Variants in CA10 observed in about 807,000 individuals in gnomAD.
CA10 encodes carbonic anhydrase 10 (inactive).
CA10 carries 14 observed loss-of-function variants against 44.2 expected under a neutral mutation model. That is an observed-to-expected ratio of 0.32 (90% CI 0.21 to 0.50). The LOEUF (loss-of-function observed/expected upper bound fraction) is 0.50. Among genes scored for constraint, CA10 ranks in the 20% least tolerant of loss-of-function variants. CA10 has a pLI of 0.99. For missense variants in CA10, 350 were observed against 409.7 expected (o/e 0.85, Z 1.26); for synonymous variants, 159 against 141.6 (o/e 1.12, Z -0.87).
At chr17:51,835,153 A>G (rs1298694621) in intron 3 of CA10, among the ~76,000 whole-genome samples, 1 of 152,184 alleles carries the variant, frequency 6.6e-6, no homozygotes, top group Non-Finnish European at 1.5e-5. Context: ...TCAGGGAGGT[A>G]TTTATTCCTA....
At chr17:51,901,057 T>C (rs1243763457) in intron 3 of CA10, among the ~76,000 whole-genome samples, 2 of 152,190 alleles carry the variant, frequency 1.3e-5, no homozygotes, top group Non-Finnish European at 2.9e-5. Context: ...GGAGAACCAG[T>C]GCAGTTGTTT....
Position 51,653,652 on chromosome 17 carries a change from T to C in CA10, c.550A>G (p.Ile184Val), listed in dbSNP as rs773770613. ...KSPNGLVVVS[I>V]FIKVSDSSNP... The stretch of plus-strand genomic sequence containing the variant: ...TGCAAGAGACTTACTTTTATAAATA[T>C]AGAAACTACCACCAATCCATTTGGA... The change falls in exon 5 of 9, where the codon ATA becomes GTA. Residue 184 changes from isoleucine to valine, a missense_variant. Transcript: ENST00000451037. 2.5e-6 allele frequency: 4 copies of C among 1,569,218 alleles called. No individual in the cohort carries two copies. Among genetic ancestry groups the C allele is most frequent in the Non-Finnish European group, 3.5e-6 (4 of 1,139,092 alleles).
chr17:51,683,485 C>T (rs1357936944), intron 4 of CA10, among the ~76,000 whole-genome samples: 1 of 152,138 alleles, frequency 6.6e-6, no homozygotes, highest in African/African-American at 2.4e-5. Flanking sequence ...GACGGGAAAA[C>T]GTTTTGCAAA....
rs529651110 is a variant in CA10, at chr17:51,945,480, G to A, written c.137-14348C>T. Among the ~76,000 whole-genome samples, 4 of 152,216 alleles carry A rather than the reference G, an allele frequency of 2.6e-5. No individual in the cohort carries two copies. In the South Asian group the frequency reaches 6.2e-4, roughly 24 times the overall value. ...TCAACACGGACTCGTTCTGGGGTAG[G>A]GACAGAAAACTCCAGGGGGCTGAGG... On this transcript the variant is annotated intron_variant, in intron 2 of 8. Coordinates refer to ENST00000451037, the MANE Select transcript of CA10 (RefSeq NM_020178.5).
At chr17:52,014,204 C>T (rs1049168125) in intron 2 of CA10, among the ~76,000 whole-genome samples, 3 of 150,996 alleles carry the variant, frequency 2.0e-5, no homozygotes, top group Non-Finnish European at 1.5e-5. Context: ...AAGAGGAAAG[C>T]ACCAAGACAA....
Position 51,948,981 on chromosome 17 carries a change from ATTT to A in CA10, c.137-17852_137-17850del, listed in dbSNP as rs34049903. ...AATATATTGAGTGATAACAGCAGTG[ATTT>A]TTTATTAGTAAGCATTTGTTTCATA... is the stretch of plus-strand genomic sequence containing the variant. On this transcript the variant is annotated intron_variant, in intron 2 of 8. Coordinates refer to ENST00000451037, the MANE Select transcript of CA10 (RefSeq NM_020178.5). Among the ~76,000 whole-genome samples the A allele has an allele frequency of 8.4e-3, 1,278 of 152,306 alleles. 8 individuals carry two copies. The highest frequency in any genetic ancestry group is 0.013 in the Non-Finnish European group (877 of 68,018).
chr17:52,114,379 C>T (rs1159943545), intron 1 of CA10, among the ~76,000 whole-genome samples: 1 of 152,134 alleles, frequency 6.6e-6, no homozygotes, highest in Non-Finnish European at 1.5e-5. Context: ...GGTTCCAATC[C>T]CAATCCCACT....
intron 1 of CA10, among the ~76,000 whole-genome samples, chr17:52,118,118 A>G (rs937720753): frequency 2.0e-5 from 3 of 152,208 alleles, no homozygotes; most frequent in Non-Finnish European, 4.4e-5. Flanking sequence ...AAACTGGTTA[A>G]GATAAGATAG....
At chr17:52,017,001 T>G (rs1299686150) in intron 2 of CA10, among the ~76,000 whole-genome samples, 1 of 152,116 alleles carries the variant, frequency 6.6e-6, no homozygotes, top group African/African-American at 2.4e-5. Context: ...CAGCTTCTCC[T>G]TTGTCTTCCA....
chr17:51,979,720 C>T (rs977466869), intron 2 of CA10, among the ~76,000 whole-genome samples: 2 of 152,096 alleles, frequency 1.3e-5, no homozygotes, highest in Non-Finnish European at 2.9e-5. Flanking sequence ...TGAGAATGGA[C>T]GGCAGGCCTT....
In CA10 at chr17:52,135,670, G is replaced by A. The variant is rs979719004; in HGVS notation, c.61+22056C>T. ...GCCTGTGGGAATGGGCACCCTGCAG[G>A]CTGCAACACTTTATGAGAAATAAAG... On this transcript the variant is annotated intron_variant, in intron 1 of 8. Transcript: ENST00000451037. Among the ~76,000 whole-genome samples, 3 of 152,148 alleles carry A rather than the reference G, an allele frequency of 2.0e-5. No homozygotes were observed. In the South Asian group the frequency reaches 6.2e-4, roughly 32 times the overall value.
chr17:51,870,670 G>T (rs968485909), intron 3 of CA10, among the ~76,000 whole-genome samples: 1 of 152,178 alleles, frequency 6.6e-6, no homozygotes, highest in Non-Finnish European at 1.5e-5. Context: ...AGTGATTAAG[G>T]TGTTTGCTTC....
intron 1 of CA10, among the ~76,000 whole-genome samples, chr17:52,096,698 T>C (rs1004017295): frequency 1.1e-4 from 16 of 152,196 alleles, no homozygotes; most frequent in Non-Finnish European, 2.2e-4. Context: ...TAATTACAGA[T>C]AGGGTTGAAG....
chr17:51,920,846 C>G (rs1429433239), intron 3 of CA10, among the ~76,000 whole-genome samples: 1 of 152,148 alleles, frequency 6.6e-6, no homozygotes, highest in African/African-American at 2.4e-5. Flanking sequence ...TCTTCCGCTC[C>G]CTGCAAAAAG....
At chr17:52,013,010 T>C (rs1340699659) in intron 2 of CA10, among the ~76,000 whole-genome samples, 2 of 151,996 alleles carry the variant, frequency 1.3e-5, no homozygotes, top group African/African-American at 4.8e-5. Context: ...ATCAATGTCA[T>C]GTAACAAATT....
intron 3 of CA10, among the ~76,000 whole-genome samples, chr17:51,876,686 A>T (rs1228952215): frequency 6.6e-6 from 1 of 152,136 alleles, no homozygotes; most frequent in Admixed American, 6.5e-5. Context: ...AATTGACTTC[A>T]GTGAAGACTT....
chr17:52,051,873 C>T (rs1369748430), intron 2 of CA10, among the ~76,000 whole-genome samples: 2 of 152,082 alleles, frequency 1.3e-5, no homozygotes, highest in Admixed American at 1.3e-4. Context: ...GACACGGAAT[C>T]AACCTAAATG....
At chr17:51,958,426 T>C (rs1245696332) in intron 2 of CA10, among the ~76,000 whole-genome samples, 4 of 152,200 alleles carry the variant, frequency 2.6e-5, no homozygotes, top group African/African-American at 9.6e-5. Flanking sequence ...CATTTGCTAC[T>C]GGATTCATTA....
At chr17:51,972,734 T>C (rs973572172) in intron 2 of CA10, among the ~76,000 whole-genome samples, 1 of 149,116 alleles carries the variant, frequency 6.7e-6, no homozygotes, top group Non-Finnish European at 1.5e-5. Flanking sequence ...CTGAAGACAA[T>C]AGAAAAGATT....
Sources: allele counts gnomAD v4.1 joint callset (sites outside exome capture counted in the v4.1 genomes callset), GRCh38; gene constraint gnomAD v4.1.1; transcripts MANE v1.5; gene names NCBI Gene and HGNC (gene_info 2026-07-23, HGNC 2026-07-21).